The following MTMR7 variants were observed in gnomAD, a reference collection of about 807,000 sequenced individuals.
The protein encoded by MTMR7 is myotubularin related protein 7, also known as phosphatidylinositol-3-phosphate phosphatase MTMR7.
Under a neutral mutation model 81.2 loss-of-function variants are expected in MTMR7, and 76 were observed. The ratio of observed to expected loss-of-function variants is 0.94; its 90% CI spans 0.78 to 1.13. The LOEUF (loss-of-function observed/expected upper bound fraction) is 1.13, where lower values mean the gene tolerates loss of function less well. Among genes scored for constraint, MTMR7 ranks in the 50% most tolerant of loss-of-function variants. The probability of loss-of-function intolerance (pLI) is 0.00; values close to 1 mark genes in which losing one functional copy is unlikely to be tolerated. For synonymous variants in MTMR7, 372 were observed against 289.8 expected, an observed-to-expected ratio of 1.28 and a Z score of -2.88; for missense variants, 1,044 against 820.0, an observed-to-expected ratio of 1.27 and a Z score of -3.34.
At chr8:17,305,098 C>G (rs1817366627) in intron 11 of MTMR7, among the ~76,000 whole-genome samples, 1 of 152,186 alleles carries the variant, frequency 6.6e-6, no homozygotes, top group South Asian at 2.1e-4. Flanking sequence ...CACACTTGAG[C>G]TTCCTTAGAG....
At chr8:17,323,647 G>A (rs1187302545) in intron 7 of MTMR7, among the ~76,000 whole-genome samples, 1 of 152,116 alleles carries the variant, frequency 6.6e-6, no homozygotes, top group East Asian at 1.9e-4. Context: ...AGAGGCCGCA[G>A]GGGTGGGGGG....
At chr8:17,373,673 G>T (rs959409695) in intron 1 of MTMR7, among the ~76,000 whole-genome samples, 1 of 152,118 alleles carries the variant, frequency 6.6e-6, no homozygotes, top group Non-Finnish European at 1.5e-5. Context: ...TGTAGAAATG[G>T]CCTTAAGGCT....
chr8:17,326,457 T>C (rs2239871), intron 7 of MTMR7: 2 of 152,016 alleles, frequency 1.3e-5, no homozygotes, highest in Non-Finnish European at 2.9e-5. Context: ...ATAATGATCC[T>C]TGTGGTCACA....
At chr8:17,339,216 C>T (rs954832888) in intron 6 of MTMR7, among the ~76,000 whole-genome samples, 1 of 152,078 alleles carries the variant, frequency 6.6e-6, no homozygotes, top group Non-Finnish European at 1.5e-5. Context: ...TCTATTTTAC[C>T]CTTCCTGTTG....
chr8:17,299,254 A>T lies in MTMR7; in HGVS notation c.*608T>A, dbSNP rs1341233344. The T allele has an allele frequency of 6.6e-6, 1 of 152,266 alleles. No individual in the cohort carries two copies. The highest frequency in any genetic ancestry group is 1.5e-5 in the Non-Finnish European group (1 of 68,076). The allele number at this position is 152,266 out of a possible 1,614,324, so 9.4% of individuals were successfully genotyped here. On this transcript the variant is annotated 3_prime_UTR_variant, in exon 14 of 14. Coordinates refer to ENST00000180173, the MANE Select transcript of MTMR7 (RefSeq NM_004686.5). ...GAAACAGACTATAGATCTCAGAGAA[A>T]AGCAACAAAATTATTCTCACAATTC...
At chr8:17,351,042 G>C (rs888182949) in intron 4 of MTMR7, among the ~76,000 whole-genome samples, 1 of 152,314 alleles carries the variant, frequency 6.6e-6, no homozygotes, top group East Asian at 1.9e-4. Context: ...CCTCCATGAA[G>C]TCAGCCAGCT....
intron 11 of MTMR7, 76 bp downstream of exon 11, chr8:17,305,681 T>G (rs890069618): frequency 7.5e-7 from 1 of 1,334,758 alleles, no homozygotes; most frequent in Admixed American, 2.0e-5. Flanking sequence ...TTCAAAATTA[T>G]GAAAGGCCAC....
chr8:17,349,388 A>C, intron 4 of MTMR7: 1 of 220,552 alleles, frequency 4.5e-6, no homozygotes, highest in East Asian at 8.8e-5. Flanking sequence ...AAAAAGAGAC[A>C]AACTGCCATT....
At chr8:17,370,286 C>T (rs1010576939) in intron 3 of MTMR7, among the ~76,000 whole-genome samples, 2 of 151,712 alleles carry the variant, frequency 1.3e-5, no homozygotes, top group Non-Finnish European at 2.9e-5. Flanking sequence ...CACTTGAGGC[C>T]GAGGCAGGTA....
Position 17,353,821 on chromosome 8 carries a change from G to A in MTMR7, c.469-4740C>T, listed in dbSNP as rs78021563. ...CACTAAATTAATTGACCTTCCTGGA[G>A]TGCCCACATCCCTTGGTGCTGTCCT... On this transcript the variant is annotated intron_variant, in intron 4 of 13. Coordinates refer to ENST00000180173, the MANE Select transcript of MTMR7 (RefSeq NM_004686.5). Among the ~76,000 whole-genome samples, 4,130 of 152,246 alleles carry A rather than the reference G, an allele frequency of 0.027. 471 individuals are homozygous for A. In the East Asian group the frequency reaches 0.32, roughly 12 times the overall value.
At chr8:17,365,159 A>G (rs1333840848) in intron 3 of MTMR7, among the ~76,000 whole-genome samples, 1 of 152,048 alleles carries the variant, frequency 6.6e-6, no homozygotes, top group Non-Finnish European at 1.5e-5. Context: ...GCATCTCCCT[A>G]ATGATTATTG....
chr8:17,403,216 G>C (rs1441646585), intron 1 of MTMR7, among the ~76,000 whole-genome samples: 1 of 152,080 alleles, frequency 6.6e-6, no homozygotes, highest in East Asian at 1.9e-4. Context: ...TTGCTTTGTT[G>C]GTTGTTTCCT....
intron 1 of MTMR7, among the ~76,000 whole-genome samples, chr8:17,386,765 C>A (rs1172811161): frequency 1.3e-5 from 2 of 152,216 alleles, no homozygotes; most frequent in Non-Finnish European, 2.9e-5. Context: ...CACACGCTTA[C>A]CCCTAAACCA....
chr8:17,307,272 G>C (rs1158806677), intron 10 of MTMR7, among the ~76,000 whole-genome samples: 1 of 152,048 alleles, frequency 6.6e-6, no homozygotes, highest in African/African-American at 2.4e-5. Flanking sequence ...GCAGCCAAAA[G>C]ACACATGAAA....
intron 7 of MTMR7, among the ~76,000 whole-genome samples, chr8:17,316,745 T>C (rs1403173867): frequency 3.3e-5 from 5 of 152,242 alleles, no homozygotes; most frequent in Non-Finnish European, 5.9e-5. Flanking sequence ...GTATTAAGTA[T>C]TGCAAGTAAT....
rs1202431244 is a variant in MTMR7, at chr8:17,299,351, G to C, written c.*511C>G. 6.5e-6 allele frequency: 1 copy of C among 153,098 alleles called. No individual in the cohort carries two copies. The highest frequency in any genetic ancestry group is 1.5e-5 in the Non-Finnish European group (1 of 68,672). The allele number at this position is 153,098 out of a possible 1,614,324, so 9.5% of individuals were successfully genotyped here. On this transcript the variant is annotated 3_prime_UTR_variant, in exon 14 of 14. Transcript: ENST00000180173. Reference sequence around the variant, plus strand: ...AGATAAGCAATTAAAAGCTCCTTAGGAATGCATCTATTAACTAAAAAGGGT... The same window carrying C: ...AGATAAGCAATTAAAAGCTCCTTAGCAATGCATCTATTAACTAAAAAGGGT...
chr8:17,312,574 CAAAAAAAAAAA>C (rs10617081), intron 8 of MTMR7, among the ~76,000 whole-genome samples: 15 of 87,252 alleles, frequency 1.7e-4, no homozygotes, highest in African/African-American at 2.8e-4. Context: ...GACTCCCTCT[CAAAAAAAAAAA>C]AAAAAAAAAA....
chr8:17,408,269 G>C (rs1368958084), intron 1 of MTMR7, among the ~76,000 whole-genome samples: 1 of 114,612 alleles, frequency 8.7e-6, no homozygotes, highest in African/African-American at 2.6e-5. Context: ...GGCGCCTGTA[G>C]TCCCACCTAC....
intron 7 of MTMR7, among the ~76,000 whole-genome samples, chr8:17,322,062 A>G (rs1480906438): frequency 1.3e-5 from 2 of 152,120 alleles, no homozygotes; most frequent in South Asian, 2.1e-4. Context: ...TCTTTCTTGT[A>G]CCCTGAGATC....
Sources: allele counts gnomAD v4.1 joint callset (sites outside exome capture counted in the v4.1 genomes callset), GRCh38; gene constraint gnomAD v4.1.1; transcripts MANE v1.5; gene names NCBI Gene and HGNC (gene_info 2026-07-23, HGNC 2026-07-21).